PCBD2: variants seen among roughly 807,000 people sequenced by gnomAD.
The protein encoded by PCBD2 is pterin-4 alpha-carbinolamine dehydratase 2, also known as pterin-4-alpha-carbinolamine dehydratase 2.
In PCBD2, 12 loss-of-function variants were observed where a neutral mutation model predicts 16.4. That is an observed-to-expected ratio of 0.73 (90% CI 0.47 to 1.19). The LOEUF (loss-of-function observed/expected upper bound fraction) is 1.19, where lower values mean the gene tolerates loss of function less well. PCBD2 is among the 50% of genes most tolerant of loss of function. PCBD2 has a pLI of 0.00. For synonymous variants in PCBD2, 58 were observed against 61.8 expected, an observed-to-expected ratio of 0.94 and a Z score of 0.29; for missense variants, 138 against 156.8, an observed-to-expected ratio of 0.88 and a Z score of 0.64.
chr5:134,923,032 G>T (rs1388716759), intron 2 of PCBD2, among the ~76,000 whole-genome samples: 3 of 152,150 alleles, frequency 2.0e-5, no homozygotes, highest in Non-Finnish European at 4.4e-5. Context: ...ATGGGTCATG[G>T]CACTATGGGA....
At position 134,960,592 on chromosome 5, in the gene PCBD2, A is replaced by G. The variant is rs1311159526; in HGVS notation, c.304A>G (p.Ile102Val). The G allele has an allele frequency of 6.2e-7, 1 of 1,605,732 alleles. No individual in the cohort carries two copies. Among genetic ancestry groups the G allele is most frequent in the Non-Finnish European group, 8.5e-7 (1 of 1,175,148 alleles). ...EWFNVYNKVQITLTSHDCGEL... is the reference protein window; with the variant it reads ...EWFNVYNKVQVTLTSHDCGEL... ...CTGCTTTTCTTTTTCTTAGGTCCAG[A>G]TAACTCTCACCTCACATGACTGTGG... Residue 102 changes from isoleucine (I) to valine (V), a missense_variant, in exon 4 of 4, where the codon ATA becomes GTA. Coordinates refer to ENST00000254908, the MANE Select transcript of PCBD2 (RefSeq NM_032151.5).
intron 2 of PCBD2, among the ~76,000 whole-genome samples, chr5:134,947,167 A>G (rs1751305434): frequency 6.6e-6 from 1 of 151,282 alleles, no homozygotes; most frequent in African/African-American, 2.4e-5. Context: ...ATAATGGCTC[A>G]TTGCAATCCC....
chr5:134,918,973 CAGAT>C (rs1362366457), intron 2 of PCBD2, among the ~76,000 whole-genome samples: 1 of 152,164 alleles, frequency 6.6e-6, no homozygotes, highest in Admixed American at 6.5e-5. Context: ...GCGCATGCAA[CAGAT>C]AGATGAGGAG....
At chr5:134,959,558 A>T (rs897069606) in intron 3 of PCBD2, among the ~76,000 whole-genome samples, 1 of 152,220 alleles carries the variant, frequency 6.6e-6, no homozygotes, top group African/African-American at 2.4e-5. Context: ...CTTATTTAAG[A>T]CAAAGGACAG....
At chr5:134,927,779 A>C (rs1350652070) in intron 2 of PCBD2, 1 of 391,012 alleles carries the variant, frequency 2.6e-6, no homozygotes, top group Non-Finnish European at 4.5e-6. Context: ...ATAGTGGTTC[A>C]TTGGATAAGT....
intron 2 of PCBD2, among the ~76,000 whole-genome samples, chr5:134,920,480 G>C (rs1750889413): frequency 6.6e-6 from 1 of 152,246 alleles, no homozygotes; most frequent in Non-Finnish European, 1.5e-5. Context: ...CCCAGAGGAA[G>C]GGAATATTCG....
chr5:134,913,277 G>A (rs1750789442), intron 2 of PCBD2, among the ~76,000 whole-genome samples: 1 of 152,194 alleles, frequency 6.6e-6, no homozygotes, highest in Non-Finnish European at 1.5e-5. Flanking sequence ...ATAAAGTAGG[G>A]AATTGGAGTG....
chr5:134,932,355 T>A (rs910114822), intron 2 of PCBD2, among the ~76,000 whole-genome samples: 2 of 151,662 alleles, frequency 1.3e-5, no homozygotes, highest in African/African-American at 2.4e-5. Context: ...TTTTTTTTTT[T>A]ATTTGAGTTG....
At chr5:134,951,243 A>C (rs556370424) in intron 2 of PCBD2, among the ~76,000 whole-genome samples, 1 of 152,302 alleles carries the variant, frequency 6.6e-6, no homozygotes, top group South Asian at 2.1e-4. Context: ...CAAGCATATA[A>C]TTTCTTTTCT....
intron 2 of PCBD2, among the ~76,000 whole-genome samples, chr5:134,953,789 A>G (rs972316473): frequency 2.6e-5 from 4 of 152,196 alleles, no homozygotes; most frequent in Admixed American, 6.5e-5. Context: ...CGACAGAGTG[A>G]GACTCCATCT....
Position 134,910,335 on chromosome 5 carries a change from T to C in PCBD2, c.85T>C (p.Ser29Pro). 6.2e-7 allele frequency: 1 copy of C among 1,613,492 alleles called. No individual in the cohort carries two copies. Among genetic ancestry groups the C allele is most frequent in the Non-Finnish European group, 8.5e-7 (1 of 1,179,774 alleles). The change falls in exon 2 of 4, where the codon TCA (serine) becomes CCA (proline). Residue 29 changes from serine (S) to proline (P), a missense_variant and splice_region_variant. Physicochemically the swap from Ser to Pro is moderately conservative, Grantham distance 74 (BLOSUM62 -1). Transcript: ENST00000254908. ...GATATGAAATGTGTTCTCTTCATAG[T>C]CATCAGGTACTCACAGGTTGACTGC... is the stretch of plus-strand genomic sequence containing the variant. ...RGQSLGLAAM[S>P]SGTHRLTAEE... is the part of the protein sequence containing the mutation.
intron 2 of PCBD2, among the ~76,000 whole-genome samples, chr5:134,937,195 T>A (rs1580888743): frequency 1.3e-5 from 2 of 152,374 alleles, no homozygotes; most frequent in African/African-American, 4.8e-5. Context: ...AATACATAAG[T>A]AAAGCATTTA....
At chr5:134,916,858 G>C (rs1009128299) in intron 2 of PCBD2, among the ~76,000 whole-genome samples, 1 of 152,246 alleles carries the variant, frequency 6.6e-6, no homozygotes, top group Non-Finnish European at 1.5e-5. Context: ...ACAGTATGTT[G>C]GTGACAGACA....
chr5:134,941,118 GA>G (rs764468793), intron 2 of PCBD2, among the ~76,000 whole-genome samples: 12,792 of 80,242 alleles, frequency 0.16, 702 homozygotes, highest in East Asian at 0.3. Context: ...CCATCTCAAG[GA>G]AAAAAAAAAA....
At chr5:134,954,774 C>T (rs1265772330) in intron 2 of PCBD2, among the ~76,000 whole-genome samples, 2 of 151,126 alleles carry the variant, frequency 1.3e-5, no homozygotes, top group African/African-American at 4.9e-5. Context: ...CAGGGTTTTG[C>T]TCTGTCACCC....
At chr5:134,916,534 T>G (rs1232607047) in intron 2 of PCBD2, among the ~76,000 whole-genome samples, 1 of 152,204 alleles carries the variant, frequency 6.6e-6, no homozygotes. Flanking sequence ...TTTGGAAATA[T>G]TTCAGTGACC....
At chr5:134,926,043 C>T (rs77006220) in intron 2 of PCBD2, 2 of 371,746 alleles carry the variant, frequency 5.4e-6, no homozygotes, top group Admixed American at 9.2e-5. Flanking sequence ...CGATGAATAG[C>T]TGGAATAGGT....
chr5:134,911,888 C>T (rs1473198124), intron 2 of PCBD2, among the ~76,000 whole-genome samples: 1 of 152,230 alleles, frequency 6.6e-6, no homozygotes, highest in African/African-American at 2.4e-5. Context: ...CCCATTGGTA[C>T]AGTAAGCCTG....
At chr5:134,923,610 G>A (rs531711622) in intron 2 of PCBD2, 1 of 359,216 alleles carries the variant, frequency 2.8e-6, no homozygotes, top group Admixed American at 4.7e-5. Flanking sequence ...TAGCAGGTTT[G>A]TAATTACTGT....
Sources: gnomAD v4.1 joint callset for allele counts (sites outside exome capture counted in the v4.1 genomes callset) on GRCh38, gnomAD v4.1.1 for gene constraint, MANE v1.5 for transcripts, NCBI Gene and HGNC (gene_info 2026-07-23, HGNC 2026-07-21) for gene names.